Variants in ARHGAP42 observed in about 807,000 individuals in gnomAD.
ARHGAP42 encodes the protein rho GTPase-activating protein 42.
A neutral mutation model predicts 125.0 loss-of-function variants in ARHGAP42; 63 were observed. The ratio of observed to expected loss-of-function variants is 0.50; its 90% CI spans 0.41 to 0.62. The LOEUF (loss-of-function observed/expected upper bound fraction) is 0.62, where lower values mean the gene tolerates loss of function less well. Ranked by LOEUF, ARHGAP42 falls within the 20% of genes least tolerant of loss-of-function variation. The pLI is 0.00. For missense variants in ARHGAP42, 766 were observed against 1,024.2 expected, an observed-to-expected ratio of 0.75 and a Z score of 3.44; for synonymous variants, 339 against 351.0, an observed-to-expected ratio of 0.97 and a Z score of 0.38.
At chr11:100,690,366 T>C (rs1861165575) in intron 1 of ARHGAP42, among the ~76,000 whole-genome samples, 1 of 152,190 alleles carries the variant, frequency 6.6e-6, no homozygotes, top group Non-Finnish European at 1.5e-5. Flanking sequence ...TGTTAACTTT[T>C]CCCGTGAGAG....
At chr11:100,982,961 A>C (rs973110323) in intron 22 of ARHGAP42, among the ~76,000 whole-genome samples, 5 of 152,226 alleles carry the variant, frequency 3.3e-5, no homozygotes, top group Admixed American at 2.0e-4. Flanking sequence ...TGTGATGTTT[A>C]AAATAATAAT....
chr11:100,771,709 CT>C (rs917642611), intron 2 of ARHGAP42, among the ~76,000 whole-genome samples: 1 of 152,050 alleles, frequency 6.6e-6, no homozygotes. Flanking sequence ...AGCAATTCTC[CT>C]GCCTCAGCCT....
chr11:100,802,918 C>A (rs1863894806), intron 3 of ARHGAP42, among the ~76,000 whole-genome samples: 1 of 152,184 alleles, frequency 6.6e-6, no homozygotes, highest in South Asian at 2.1e-4. Context: ...CACATATCTC[C>A]CCTGGCCTCC....
intron 20 of ARHGAP42, 27 bp from the exon 21 acceptor site, chr11:100,976,788 G>A (rs181583388): frequency 6.5e-7 from 1 of 1,548,250 alleles, no homozygotes; most frequent in Admixed American, 2.0e-5. Flanking sequence ...ATAGCACCTT[G>A]CCTATTTTCT....
At chr11:100,951,207 A>C (rs1480411480) in intron 12 of ARHGAP42, among the ~76,000 whole-genome samples, 1 of 152,094 alleles carries the variant, frequency 6.6e-6, no homozygotes, top group Non-Finnish European at 1.5e-5. Context: ...ATGTTTCAAT[A>C]ATTAAATAAC....
At chr11:100,950,685 G>T (rs1054783221) in intron 12 of ARHGAP42, among the ~76,000 whole-genome samples, 2 of 151,634 alleles carry the variant, frequency 1.3e-5, no homozygotes, top group African/African-American at 2.4e-5. Flanking sequence ...GTTAGTTTAG[G>T]GTATTTTCAT....
rs560374768 is a variant in ARHGAP42 at position 100,771,365 on chromosome 11, C to T, written c.250+927C>T. Among the ~76,000 whole-genome samples the T allele has an allele frequency of 1.2e-4, 19 of 152,248 alleles. No individual in the cohort carries two copies. In the East Asian group the frequency reaches 3.7e-3, roughly 29 times the overall value. Reference sequence around the variant, plus strand: ...GTTTGAAGGTCTGATTCTTATAACTCCCTCCACCCCCACCTTTTAAAGACC... The same window carrying T: ...GTTTGAAGGTCTGATTCTTATAACTTCCTCCACCCCCACCTTTTAAAGACC... On this transcript the variant is annotated intron_variant, in intron 2 of 23. Transcript: ENST00000298815.
rs542811251 is a variant in ARHGAP42, at chr11:100,809,685, T to C, written c.312+14519T>C. On this transcript the variant is annotated intron_variant, in intron 3 of 23. Transcript: ENST00000298815. The stretch of plus-strand genomic sequence containing the variant: ...GAAACCAGAGGCAGGCTGGGTGTGC[T>C]GTGTTACTCCTGTAATCCCAGCATT... Among the ~76,000 whole-genome samples the C allele has an allele frequency of 1.3e-4, 20 of 152,366 alleles. No homozygotes were observed. The South Asian group carries it at 4.1e-3, about 32-fold the overall frequency.
intron 17 of ARHGAP42, among the ~76,000 whole-genome samples, chr11:100,972,311 C>A (rs992993454): frequency 5.9e-5 from 9 of 152,144 alleles, no homozygotes; most frequent in Admixed American, 3.9e-4. Flanking sequence ...AATGAGGTAT[C>A]CTCTAAAGAA....
intron 4 of ARHGAP42, among the ~76,000 whole-genome samples, chr11:100,886,362 A>T (rs1199918355): frequency 6.6e-6 from 1 of 152,226 alleles, no homozygotes; most frequent in Non-Finnish European, 1.5e-5. Flanking sequence ...GAAGGGGCTA[A>T]TTAACCATCT....
At chr11:100,968,111 C>T (rs1256870970) in intron 17 of ARHGAP42, among the ~76,000 whole-genome samples, 1 of 152,122 alleles carries the variant, frequency 6.6e-6, no homozygotes, top group Non-Finnish European at 1.5e-5. Context: ...TGGTACAGTT[C>T]TTCTGGCTTT....
chr11:100,795,958 T>G (rs1863700294), intron 3 of ARHGAP42, among the ~76,000 whole-genome samples: 1 of 152,208 alleles, frequency 6.6e-6, no homozygotes, highest in South Asian at 2.1e-4. Flanking sequence ...CACTGTCCAC[T>G]TGGGGGATTA....
chr11:100,987,780 A>C (rs1858720007), intron 23 of ARHGAP42, among the ~76,000 whole-genome samples, 188 bp downstream of exon 23: 1 of 151,400 alleles, frequency 6.6e-6, no homozygotes, highest in Non-Finnish European at 1.5e-5. Flanking sequence ...CCAGCTGCTT[A>C]GGAGGGTAAG....
chr11:100,901,711 C>T (rs1866556082), intron 4 of ARHGAP42, among the ~76,000 whole-genome samples: 1 of 152,232 alleles, frequency 6.6e-6, no homozygotes, highest in Middle Eastern at 3.2e-3. Flanking sequence ...GGCATGGGAC[C>T]CCCTGAGCCA....
chr11:100,931,503 A>G (rs1867582121), intron 6 of ARHGAP42, among the ~76,000 whole-genome samples: 1 of 152,226 alleles, frequency 6.6e-6, no homozygotes, highest in African/African-American at 2.4e-5. Flanking sequence ...AGAAAGATTT[A>G]TCACAGATAT....
intron 1 of ARHGAP42, among the ~76,000 whole-genome samples, chr11:100,689,774 T>C (rs569120970): frequency 1.3e-5 from 2 of 152,316 alleles, no homozygotes; most frequent in South Asian, 4.2e-4. Context: ...CTTCTTTCAT[T>C]GTGAAAAGGA....
At chr11:100,706,859 C>G (rs558478121) in intron 1 of ARHGAP42, among the ~76,000 whole-genome samples, 2 of 152,240 alleles carry the variant, frequency 1.3e-5, no homozygotes, top group South Asian at 4.1e-4. Context: ...TAGAATATTT[C>G]TATCACCCCC....
intron 1 of ARHGAP42, among the ~76,000 whole-genome samples, chr11:100,767,302 T>C (rs1026233365): frequency 6.6e-6 from 1 of 152,210 alleles, no homozygotes; most frequent in Non-Finnish European, 1.5e-5. Flanking sequence ...GACGGGATAC[T>C]GAGGTACAGA....
chr11:100,718,945 G>C (rs1861711007), intron 1 of ARHGAP42, among the ~76,000 whole-genome samples: 2 of 152,092 alleles, frequency 1.3e-5, no homozygotes, highest in Non-Finnish European at 2.9e-5. Flanking sequence ...CTAATGAATG[G>C]TATTTGTGAT....
Sources: gnomAD v4.1 joint callset for allele counts (sites outside exome capture counted in the v4.1 genomes callset) on GRCh38, gnomAD v4.1.1 for gene constraint, MANE v1.5 for transcripts, NCBI Gene and HGNC (gene_info 2026-07-23, HGNC 2026-07-21) for gene names.